Variants in DTNA observed in about 807,000 individuals in gnomAD.
DTNA encodes the protein dystrobrevin alpha.
Under a neutral mutation model 100.7 loss-of-function variants are expected in DTNA, and 43 were observed. The observed-to-expected ratio is 0.43, with a 90% CI of 0.33 to 0.55. The LOEUF (loss-of-function observed/expected upper bound fraction) is 0.55. DTNA is among the 20% of genes least tolerant of loss of function. DTNA has a pLI of 0.04. For synonymous variants in DTNA, 349 were observed against 347.9 expected (o/e 1.00, Z -0.04); for missense variants, 798 against 953.9 (o/e 0.84, Z 2.15).
At chr18:34,583,934 A>G (rs12963299) in intron 1 of DTNA, among the ~76,000 whole-genome samples, 15,599 of 152,058 alleles carry the variant, frequency 0.1, 1,153 homozygotes, top group African/African-American at 0.2. Context: ...CTACAAGCTT[A>G]GCATTATTGG....
At chr18:34,600,156 C>T (rs541317893) in intron 1 of DTNA, among the ~76,000 whole-genome samples, 53 of 152,070 alleles carry the variant, frequency 3.5e-4, no homozygotes, top group Non-Finnish European at 6.3e-4. Context: ...ACTTATGTAA[C>T]AGAAGAGCTT....
intron 1 of DTNA, among the ~76,000 whole-genome samples, chr18:34,585,184 G>C (rs568426982): frequency 6.6e-6 from 1 of 151,984 alleles, no homozygotes; most frequent in East Asian, 1.9e-4. Context: ...CCAAACTACA[G>C]AGAGGCAAAG....
chr18:34,497,392 C>T (rs905080386), intron 1 of DTNA, among the ~76,000 whole-genome samples: 5 of 152,208 alleles, frequency 3.3e-5, no homozygotes, highest in Non-Finnish European at 5.9e-5. Context: ...GTATACTGAG[C>T]GTCATTCTGT....
intron 16 of DTNA, among the ~76,000 whole-genome samples, chr18:34,863,534 T>A (rs769397171): frequency 2.6e-5 from 4 of 152,166 alleles, no homozygotes; most frequent in African/African-American, 4.8e-5. Context: ...TATTTCCAAA[T>A]ACTAAGGTAA....
chr18:34,678,012 G>A (rs1446407920), intron 1 of DTNA, among the ~76,000 whole-genome samples: 5 of 152,178 alleles, frequency 3.3e-5, no homozygotes, highest in South Asian at 2.1e-4. Flanking sequence ...CGTGGTGAAA[G>A]TGGAAGCAAA....
intron 9 of DTNA, among the ~76,000 whole-genome samples, chr18:34,823,709 T>G (rs1203974110): frequency 6.6e-6 from 1 of 152,252 alleles, no homozygotes; most frequent in Non-Finnish European, 1.5e-5. Context: ...CTTGCTTTAC[T>G]AAATAATTTA....
chr18:34,747,934 G>A lies in DTNA; in HGVS notation c.-1-8042G>A, dbSNP rs139751284. Among the ~76,000 whole-genome samples, 394 of 152,214 alleles carry A rather than the reference G, an allele frequency of 2.6e-3. 1 individual carries two copies. The highest frequency in any genetic ancestry group is 9.0e-3 in the African/African-American group (373 of 41,536). ...ACTAGTTTACATTCCCAGCAGCAGT[G>A]TAAAATTGTTCCCTTTCACCCCATC... On this transcript the variant is annotated intron_variant, in intron 1 of 22. Transcript: ENST00000444659.
At chr18:34,775,345 G>A (rs1296378096) in intron 3 of DTNA, among the ~76,000 whole-genome samples, 1 of 152,100 alleles carries the variant, frequency 6.6e-6, no homozygotes, top group African/African-American at 2.4e-5. Context: ...AATTAACCAG[G>A]CTTGGTGGTG....
At chr18:34,874,310 G>A (rs1057089527) in intron 17 of DTNA, among the ~76,000 whole-genome samples, 4 of 152,326 alleles carry the variant, frequency 2.6e-5, no homozygotes, top group East Asian at 1.9e-4. Flanking sequence ...CACCTAATCT[G>A]TTGTGTATGC....
At chr18:34,551,481 TA>T (rs987045315) in intron 1 of DTNA, among the ~76,000 whole-genome samples, 20 of 152,264 alleles carry the variant, frequency 1.3e-4, no homozygotes, top group South Asian at 4.1e-4. Context: ...TTTTATTGGA[TA>T]TTTTTTTTTG....
At chr18:34,869,865 C>CA (rs767756188) in intron 17 of DTNA, among the ~76,000 whole-genome samples, 11 of 152,036 alleles carry the variant, frequency 7.2e-5, no homozygotes, top group Non-Finnish European at 1.3e-4. Flanking sequence ...ACTAAAAATA[C>CA]AAAAAATTAG....
chr18:34,637,536 A>G (rs1393458298), intron 1 of DTNA, among the ~76,000 whole-genome samples: 1 of 152,192 alleles, frequency 6.6e-6, no homozygotes, highest in Non-Finnish European at 1.5e-5. Context: ...GCTCTCAGAT[A>G]CTATTAGGCT....
At chr18:34,809,508 G>A (rs759173155) in intron 5 of DTNA, among the ~76,000 whole-genome samples, 18 of 152,184 alleles carry the variant, frequency 1.2e-4, no homozygotes, top group Non-Finnish European at 2.2e-4. Flanking sequence ...GATTTTCTAC[G>A]TTGCTTCTGT....
At chr18:34,841,453 G>A (rs2096266882) in intron 13 of DTNA, among the ~76,000 whole-genome samples, 1 of 152,110 alleles carries the variant, frequency 6.6e-6, no homozygotes, top group Admixed American at 6.6e-5. Flanking sequence ...CTTGAGTTGT[G>A]ACTTCTCATG....
chr18:34,778,995 T>G (rs1307989179), intron 3 of DTNA, among the ~76,000 whole-genome samples: 1 of 151,854 alleles, frequency 6.6e-6, no homozygotes, highest in Admixed American at 6.6e-5. Context: ...TTTTTTTTTT[T>G]GTATTTTTAA....
intron 1 of DTNA, among the ~76,000 whole-genome samples, chr18:34,664,670 T>C (rs1012943549): frequency 6.6e-6 from 1 of 152,162 alleles, no homozygotes; most frequent in Non-Finnish European, 1.5e-5. Context: ...AAACTTGCTC[T>C]ATCACAGAGA....
At chr18:34,786,045 G>A (rs998350823) in intron 3 of DTNA, among the ~76,000 whole-genome samples, 3 of 152,184 alleles carry the variant, frequency 2.0e-5, no homozygotes, top group African/African-American at 7.2e-5. Flanking sequence ...TCACACCCCA[G>A]TTCTGTGAAG....
intron 11 of DTNA, among the ~76,000 whole-genome samples, chr18:34,835,207 A>G (rs1035462089): frequency 6.6e-6 from 1 of 152,224 alleles, no homozygotes; most frequent in African/African-American, 2.4e-5. Context: ...AGTGAGTATC[A>G]AAAAGTTAGA....
At chr18:34,789,055 A>C (rs1207860166) in intron 3 of DTNA, among the ~76,000 whole-genome samples, 1 of 152,212 alleles carries the variant, frequency 6.6e-6, no homozygotes, top group Non-Finnish European at 1.5e-5. Context: ...ATATTATTAC[A>C]TTTTATTTTT....
Sources: gnomAD v4.1 joint callset for allele counts (sites outside exome capture counted in the v4.1 genomes callset) on GRCh38, gnomAD v4.1.1 for gene constraint, MANE v1.5 for transcripts, NCBI Gene and HGNC (gene_info 2026-07-23, HGNC 2026-07-21) for gene names.